Variants in NARS2 observed in about 807,000 individuals in gnomAD.
NARS2 encodes the protein asparaginyl-tRNA synthetase.
In NARS2, 60 loss-of-function variants were observed where a neutral mutation model predicts 62.9. The ratio of observed to expected loss-of-function variants is 0.95; its 90% CI spans 0.77 to 1.18. The LOEUF is 1.18. NARS2 is among the 50% of genes most tolerant of loss of function. The pLI, the probability that NARS2 is intolerant of heterozygous loss-of-function variation, is 0.00. For synonymous variants in NARS2, 196 were observed against 200.0 expected (o/e 0.98, Z 0.17); for missense variants, 619 against 576.4 (o/e 1.07, Z -0.76).
chr11:78,505,461 T>C (rs549231194), intron 6 of NARS2, among the ~76,000 whole-genome samples: 152 of 152,236 alleles, frequency 1.0e-3, no homozygotes, highest in African/African-American at 2.6e-3. Context: ...GGAGTTTTTT[T>C]TTTTTAACTG....
chr11:78,491,274 C>T (rs942345838), intron 7 of NARS2, among the ~76,000 whole-genome samples: 4 of 152,222 alleles, frequency 2.6e-5, no homozygotes, highest in African/African-American at 9.6e-5. Flanking sequence ...CCACTCTCCC[C>T]CTTCCCTGCC....
chr11:78,536,348 G>C (rs766016354), intron 5 of NARS2, among the ~76,000 whole-genome samples: 3 of 152,144 alleles, frequency 2.0e-5, no homozygotes, highest in African/African-American at 7.2e-5. Context: ...AGTCTTTCAG[G>C]AGGTATTCTA....
intron 7 of NARS2, among the ~76,000 whole-genome samples, chr11:78,480,449 T>G (rs1173319770): frequency 6.6e-6 from 1 of 152,002 alleles, no homozygotes; most frequent in African/African-American, 2.4e-5. Flanking sequence ...GAGATGGGGT[T>G]TCACCATGTT....
chr11:78,552,239 T>C (rs1435560940), intron 5 of NARS2, among the ~76,000 whole-genome samples: 1 of 152,228 alleles, frequency 6.6e-6, no homozygotes, highest in Non-Finnish European at 1.5e-5. Flanking sequence ...AGTGAGAACA[T>C]GCGGTATTTA....
At chr11:78,480,000 G>A (rs938826349) in intron 7 of NARS2, among the ~76,000 whole-genome samples, 1 of 152,162 alleles carries the variant, frequency 6.6e-6, no homozygotes, top group Non-Finnish European at 1.5e-5. Context: ...CTGGGATCAA[G>A]CGATCCTCCT....
chr11:78,565,984 T>G, intron 4 of NARS2, 148 bp downstream of exon 4: 1 of 602,200 alleles, frequency 1.7e-6, no homozygotes. Context: ...TCATGTAGAG[T>G]CAAGAAACCA....
intron 5 of NARS2, among the ~76,000 whole-genome samples, chr11:78,550,867 TAAAC>T (rs938802673): frequency 1.3e-5 from 2 of 152,030 alleles, no homozygotes; most frequent in African/African-American, 4.8e-5. Flanking sequence ...GATAAATCAA[TAAAC>T]AAAACATGAT....
chr11:78,492,088 C>CATATAT lies in NARS2; in HGVS notation c.822+969_822+974dup, dbSNP rs137953485. On this transcript the variant is annotated intron_variant, in intron 7 of 13. Coordinates refer to ENST00000281038, the MANE Select transcript of NARS2 (RefSeq NM_024678.6). ...GTGCCATAAATTATGCTAAGTACTT[C>CATATAT]ATATATATATATATATATATACAGA... is the stretch of plus-strand genomic sequence containing the variant. Among the ~76,000 whole-genome samples, 6 of 146,860 alleles carry CATATAT rather than the reference C, an allele frequency of 4.1e-5. No homozygotes were observed. In the East Asian group the frequency reaches 6.1e-4, roughly 15 times the overall value.
intron 6 of NARS2, among the ~76,000 whole-genome samples, chr11:78,516,069 G>T (rs1326879365): frequency 1.3e-5 from 2 of 152,116 alleles, no homozygotes; most frequent in Non-Finnish European, 2.9e-5. Context: ...TCATGTAAAG[G>T]TTTATAAAAG....
intron 5 of NARS2, among the ~76,000 whole-genome samples, chr11:78,549,831 CA>C (rs1244691535): frequency 6.6e-6 from 1 of 151,958 alleles, no homozygotes; most frequent in Admixed American, 6.6e-5. Context: ...GTGGCAGCAT[CA>C]GAGGCTTCAC....
At chr11:78,490,588 A>G (rs1233512215) in intron 7 of NARS2, among the ~76,000 whole-genome samples, 1 of 152,142 alleles carries the variant, frequency 6.6e-6, no homozygotes, top group African/African-American at 2.4e-5. Flanking sequence ...ACACTGAGGC[A>G]GGCGGATGGC....
chr11:78,509,305 C>T (rs530462137), intron 6 of NARS2, among the ~76,000 whole-genome samples: 2 of 152,214 alleles, frequency 1.3e-5, no homozygotes, highest in South Asian at 2.1e-4. Flanking sequence ...GAGTTTGTTA[C>T]TGGACATGCC....
At chr11:78,572,990 C>T (rs1856985976) in intron 1 of NARS2, 1 of 152,168 alleles carries the variant, frequency 6.6e-6, no homozygotes, top group African/African-American at 2.4e-5. Context: ...AACTGAAATC[C>T]TCTAACCTGG....
At chr11:78,482,689 C>A (rs559912181) in intron 7 of NARS2, among the ~76,000 whole-genome samples, 36 of 152,106 alleles carry the variant, frequency 2.4e-4, no homozygotes, top group African/African-American at 7.7e-4. Flanking sequence ...AAGACTAAAC[C>A]AGGAAGAAGT....
intron 6 of NARS2, among the ~76,000 whole-genome samples, chr11:78,504,617 A>G (rs1273510882): frequency 1.3e-5 from 2 of 152,160 alleles, no homozygotes; most frequent in Non-Finnish European, 2.9e-5. Flanking sequence ...AATTTTTTCT[A>G]AAGGAGCAAA....
chr11:78,565,016 A>G (rs1204968309), intron 4 of NARS2, among the ~76,000 whole-genome samples: 1 of 152,204 alleles, frequency 6.6e-6, no homozygotes, highest in East Asian at 1.9e-4. Context: ...GATCTGGAGA[A>G]GTACCACAGG....
At chr11:78,446,887 A>G (rs1857779984) in intron 11 of NARS2, among the ~76,000 whole-genome samples, 1 of 152,158 alleles carries the variant, frequency 6.6e-6, no homozygotes, top group African/African-American at 2.4e-5. Flanking sequence ...AAAGGAAACA[A>G]TTAACAAAGT....
chr11:78,511,723 A>G (rs985557708), intron 6 of NARS2, among the ~76,000 whole-genome samples: 6 of 15,264 alleles, frequency 3.9e-4, no homozygotes, highest in African/African-American at 6.9e-4. Context: ...TCTCCAAAGA[A>G]AAAAAAAAAA....
intron 10 of NARS2, among the ~76,000 whole-genome samples, chr11:78,468,923 C>A (rs1323685806): frequency 1.3e-5 from 2 of 151,740 alleles, no homozygotes; most frequent in Non-Finnish European, 2.9e-5. Context: ...TGAGCCCCAA[C>A]ACCTGGTCTC....
Sources: allele counts gnomAD v4.1 joint callset (sites outside exome capture counted in the v4.1 genomes callset), GRCh38; gene constraint gnomAD v4.1.1; transcripts MANE v1.5; gene names NCBI Gene and HGNC (gene_info 2026-07-23, HGNC 2026-07-21).